The following APCDD1L variants were observed in gnomAD, a reference collection of about 807,000 sequenced individuals.
The protein encoded by APCDD1L is APC down-regulated 1 like.
A neutral mutation model predicts 24.2 loss-of-function variants in APCDD1L; 21 were observed. The observed-to-expected ratio is 0.87, with a 90% CI of 0.61 to 1.25. The LOEUF (loss-of-function observed/expected upper bound fraction) is 1.25, where lower values mean the gene tolerates loss of function less well. Among genes scored for constraint, APCDD1L ranks in the 50% most tolerant of loss-of-function variants. The pLI is 0.00. For missense variants in APCDD1L, 704 were observed against 711.7 expected, an observed-to-expected ratio of 0.99 and a Z score of 0.12; for synonymous variants, 321 against 323.6, an observed-to-expected ratio of 0.99 and a Z score of 0.09.
chr20:58,502,503 G>T (rs1474523599), intron 1 of APCDD1L, among the ~76,000 whole-genome samples: 1 of 152,154 alleles, frequency 6.6e-6, no homozygotes, highest in East Asian at 1.9e-4. Context: ...TTTGTTCCCT[G>T]TTATAACCCT....
chr20:58,465,654 G>C (rs1989691942), intron 3 of APCDD1L, among the ~76,000 whole-genome samples: 1 of 152,170 alleles, frequency 6.6e-6, no homozygotes, highest in African/African-American at 2.4e-5. Context: ...CACCTCGAAT[G>C]CTAACCTCAA....
rs565132535 is a variant in APCDD1L at position 58,503,962 on chromosome 20, G to A, written c.49+10697C>T. On this transcript the variant is annotated intron_variant, in intron 1 of 3. Coordinates refer to ENST00000371149, the MANE Select transcript of APCDD1L (RefSeq NM_153360.3). ...CACTGCCCTTAAAGTTCAAAGTCCT[G>A]GAGCAAGCATCCCATGAGCCCATCT... Among the ~76,000 whole-genome samples the A allele has an allele frequency of 2.6e-5, 4 of 152,294 alleles. No individual in the cohort carries two copies. In the South Asian group the frequency reaches 8.3e-4, roughly 32 times the overall value.
At position 58,494,282 on chromosome 20, in the gene APCDD1L, TTTCTTA is replaced by T. The variant is rs1990278678; in HGVS notation, c.49+20371_49+20376del. Among the ~76,000 whole-genome samples the T allele has an allele frequency of 7.2e-6, 1 of 139,158 alleles. No homozygotes were observed. Among genetic ancestry groups the T allele is most frequent in the South Asian group, 2.3e-4 (1 of 4,362 alleles). The allele number at this position is 139,158 out of a possible 152,430, so 91.3% of individuals were successfully genotyped here. The stretch of plus-strand genomic sequence containing the variant: ...GCATTTCTTTTTTCTTTTCTTTTCT[TTTCTTA>T]CTTTTCTTTTCTCTTCTCTCTTCTC... On this transcript the variant is annotated intron_variant, in intron 1 of 3. Transcript: ENST00000371149. The surrounding 1 kb of genome is among the most constrained non-coding windows in gnomAD (Gnocchi z 4.8).
intron 1 of APCDD1L, among the ~76,000 whole-genome samples, chr20:58,476,808 C>T (rs1817865585): frequency 6.6e-6 from 1 of 152,190 alleles, no homozygotes; most frequent in Admixed American, 6.5e-5. Flanking sequence ...ACTGTGAGTC[C>T]CTAGTGCTGA....
intron 1 of APCDD1L, among the ~76,000 whole-genome samples, chr20:58,496,591 T>A (rs1276161248): frequency 1.3e-5 from 2 of 151,852 alleles, no homozygotes; most frequent in African/African-American, 2.4e-5. Flanking sequence ...GGTGCAAGGG[T>A]CCTGAGGTGA....
chr20:58,478,016 C>T (rs1164326140), intron 1 of APCDD1L, among the ~76,000 whole-genome samples: 3 of 152,164 alleles, frequency 2.0e-5, no homozygotes, highest in African/African-American at 7.2e-5. Flanking sequence ...ACTATGAACT[C>T]CTGAATATTT....
At chr20:58,502,835 T>C (rs1355182856) in intron 1 of APCDD1L, among the ~76,000 whole-genome samples, 1 of 152,232 alleles carries the variant, frequency 6.6e-6, no homozygotes, top group Non-Finnish European at 1.5e-5. Flanking sequence ...CAAACACTCT[T>C]AGAAGCTCTT....
At chr20:58,501,364 C>T (rs1353520350) in intron 1 of APCDD1L, among the ~76,000 whole-genome samples, 1 of 152,090 alleles carries the variant, frequency 6.6e-6, no homozygotes, top group Non-Finnish European at 1.5e-5. Context: ...GGGCCCTAAT[C>T]CAGTCTGACT....
At chr20:58,498,807 C>T (rs1436908443) in intron 1 of APCDD1L, among the ~76,000 whole-genome samples, 2 of 152,252 alleles carry the variant, frequency 1.3e-5, no homozygotes, top group African/African-American at 4.8e-5. Flanking sequence ...ATTGGAGACA[C>T]ATCCCCATGT....
intron 1 of APCDD1L, among the ~76,000 whole-genome samples, chr20:58,502,475 G>A (rs1053582876): frequency 2.6e-5 from 4 of 152,118 alleles, no homozygotes; most frequent in African/African-American, 9.7e-5. Context: ...AGTCCCATAA[G>A]GTCCATGCCA....
intron 1 of APCDD1L, among the ~76,000 whole-genome samples, chr20:58,474,882 C>T (rs896520884): frequency 6.6e-6 from 1 of 152,152 alleles, no homozygotes; most frequent in African/African-American, 2.4e-5. Flanking sequence ...GTCACTCCCG[C>T]TCCCCTCTCC....
In APCDD1L at chr20:58,470,763, A is replaced by T. The variant is rs151030672; in HGVS notation, c.50-16T>A. On this transcript the variant is annotated splice_polypyrimidine_tract_variant and intron_variant, in intron 1 of 3. Transcript: ENST00000371149. ...GCAGTGTGGGCTGCAAAGCAGACAG[A>T]CCTGGGTAAGACCCCAGCATGCCCC... 2.3e-4 allele frequency: 345 copies of T among 1,529,272 alleles called. No homozygotes were observed. The African/African-American group carries it at 4.2e-3, about 18-fold the overall frequency. 94.7% of individuals were successfully genotyped at this position (1,529,272 alleles called of 1,614,324 possible). A position where few individuals can be genotyped will look rare whatever the true frequency, so the allele number is the denominator to read the frequency against.
At chr20:58,463,775 T>G (rs1989657121) in intron 3 of APCDD1L, among the ~76,000 whole-genome samples, 1 of 151,450 alleles carries the variant, frequency 6.6e-6, no homozygotes, top group Non-Finnish European at 1.5e-5. Flanking sequence ...TATTTTTTCT[T>G]GCAAAAATCC....
intron 1 of APCDD1L, among the ~76,000 whole-genome samples, chr20:58,495,759 C>T (rs1313534162): frequency 6.6e-6 from 1 of 152,178 alleles, no homozygotes; most frequent in Non-Finnish European, 1.5e-5. Flanking sequence ...CATGCCATCA[C>T]CACCTCCTGT....
Position 58,467,604 on chromosome 20 carries a change from G to C in APCDD1L, c.243C>G (p.Pro81=). 6.4e-7 allele frequency: 1 copy of C among 1,550,648 alleles called. No individual in the cohort carries two copies. The highest frequency in any genetic ancestry group is 8.7e-7 in the Non-Finnish European group (1 of 1,145,582). Residue 81 remains proline (P), a synonymous_variant, in exon 3 of 4, where the codon CCC becomes CCG. Coordinates refer to ENST00000371149, the MANE Select transcript of APCDD1L (RefSeq NM_153360.3). This position sits in a 1 kb window ranked among gnomAD's most constrained non-coding sequence, Gnocchi z 5.9. ...ACTGGTGGGCTCGAAAGAGCCGGCTGGGGTAGAAGGTGTAGGCGCGGGTCA... is the reference window on the plus strand; with the variant it reads ...ACTGGTGGGCTCGAAAGAGCCGGCTCGGGTAGAAGGTGTAGGCGCGGGTCA... ...EFLTRAYTFY[P]SRLFRAHQFY... is the part of the protein sequence containing the mutation.
intron 1 of APCDD1L, among the ~76,000 whole-genome samples, chr20:58,510,983 A>T (rs1462051315): frequency 6.6e-6 from 1 of 152,160 alleles, no homozygotes. Flanking sequence ...CCAGGTCTGG[A>T]GACTTTAGAG....
At chr20:58,490,335 C>G (rs1321890449) in intron 1 of APCDD1L, among the ~76,000 whole-genome samples, 1 of 152,250 alleles carries the variant, frequency 6.6e-6, no homozygotes, top group East Asian at 1.9e-4. Context: ...TCACGCCTGT[C>G]TCTCCACTGC....
At chr20:58,469,682 C>T (rs920313398) in intron 2 of APCDD1L, among the ~76,000 whole-genome samples, 1 of 152,174 alleles carries the variant, frequency 6.6e-6, no homozygotes, top group Non-Finnish European at 1.5e-5. Context: ...CCTGGCTGAG[C>T]CTGCAAATGC....
chr20:58,495,220 G>T (rs181360263), intron 1 of APCDD1L, among the ~76,000 whole-genome samples: 1 of 152,342 alleles, frequency 6.6e-6, no homozygotes, highest in East Asian at 1.9e-4. Flanking sequence ...TAGGACCAGT[G>T]GCCTCGTTTG....
Sources: allele counts gnomAD v4.1 joint callset (sites outside exome capture counted in the v4.1 genomes callset), GRCh38; gene constraint gnomAD v4.1.1; non-coding constraint Gnocchi (gnomAD v3.1); transcripts MANE v1.5; gene names NCBI Gene and HGNC (gene_info 2026-07-23, HGNC 2026-07-21).